Variants in GRAMD1B observed in about 807,000 individuals in gnomAD.
The protein encoded by GRAMD1B is protein Aster-B.
A neutral mutation model predicts 99.7 loss-of-function variants in GRAMD1B; 37 were observed. The ratio of observed to expected loss-of-function variants is 0.37; its 90% confidence interval spans 0.29 to 0.49. GRAMD1B has a LOEUF of 0.49. Among genes scored for constraint, GRAMD1B ranks in the 20% least tolerant of loss-of-function variants. The pLI, the probability that GRAMD1B is intolerant of heterozygous loss-of-function variation, is 0.98. For synonymous variants in GRAMD1B, 427 were observed against 387.6 expected, an observed-to-expected ratio of 1.10 and a Z score of -1.19; for missense variants, 888 against 1,009.2, an observed-to-expected ratio of 0.88 and a Z score of 1.63.
chr11:123,483,267 C>T (rs1201474551), intron 2 of GRAMD1B, among the ~76,000 whole-genome samples: 15 of 152,214 alleles, frequency 9.9e-5, no homozygotes, highest in Admixed American at 7.9e-4. Flanking sequence ...CGTGGATATG[C>T]TGAACAAAGG....
intron 3 of GRAMD1B, among the ~76,000 whole-genome samples, chr11:123,578,786 C>G (rs1003656449): frequency 6.6e-6 from 1 of 152,116 alleles, no homozygotes; most frequent in Admixed American, 6.5e-5. Flanking sequence ...GGCAGGAGAC[C>G]CCATCTGGTT....
At chr11:123,394,169 T>G (rs1947376424) in intron 1 of GRAMD1B, among the ~76,000 whole-genome samples, 1 of 152,230 alleles carries the variant, frequency 6.6e-6, no homozygotes, top group Non-Finnish European at 1.5e-5. Flanking sequence ...ACATGTAAAT[T>G]AGTACTGCCT....
chr11:123,503,331 G>A (rs1455541065), intron 2 of GRAMD1B, among the ~76,000 whole-genome samples: 1 of 152,164 alleles, frequency 6.6e-6, no homozygotes, highest in Non-Finnish European at 1.5e-5. Context: ...CCTGGAGATG[G>A]TAGGTAAGGG....
chr11:123,493,611 C>T (rs1001349483), intron 2 of GRAMD1B, among the ~76,000 whole-genome samples: 4 of 152,124 alleles, frequency 2.6e-5, no homozygotes, highest in African/African-American at 7.2e-5. Flanking sequence ...CAGACCTACC[C>T]GCAGGCAGCC....
At position 123,609,814 on chromosome 11, in the gene GRAMD1B, GA is replaced by G; in HGVS notation, c.1682del (p.Lys561ArgfsTer10). 6.3e-6 allele frequency: 10 copies of G among 1,592,384 alleles called. No homozygotes were observed. Among genetic ancestry groups the G allele is most frequent in the Admixed American group, 3.4e-5 (2 of 58,368 alleles). ...CCTTAGATATCATCTTCCATCCATG[GA>G]AAAAGGAGGAGAATGGAAACCAGAG... The part of the protein sequence containing the change: ...RFSDIIFHPW[K>X]KEENGNQSRV... On this transcript the variant is annotated frameshift_variant, in exon 13 of 20. Coordinates refer to ENST00000635736, the MANE Select transcript of GRAMD1B (RefSeq NM_001387025.1). LOFTEE classifies it high-confidence loss of function.
chr11:123,615,559 C>CTA (rs1273007172), intron 17 of GRAMD1B, among the ~76,000 whole-genome samples: 1 of 152,180 alleles, frequency 6.6e-6, no homozygotes, highest in African/African-American at 2.4e-5. Context: ...GTGGCAGGCG[C>CTA]CTGTAGTCCC....
At chr11:123,551,637 C>A (rs1304829417) in intron 2 of GRAMD1B, among the ~76,000 whole-genome samples, 1 of 152,048 alleles carries the variant, frequency 6.6e-6, no homozygotes, top group Non-Finnish European at 1.5e-5. Context: ...CCATGGTAAA[C>A]CTGGGATTGT....
intron 2 of GRAMD1B, among the ~76,000 whole-genome samples, chr11:123,571,631 C>T (rs967311076): frequency 6.6e-6 from 1 of 152,040 alleles, no homozygotes; most frequent in African/African-American, 2.4e-5. Flanking sequence ...GGGTCCCCTG[C>T]CATGGCTTAA....
chr11:123,442,124 A>G lies in GRAMD1B; in HGVS notation c.374+10958A>G, dbSNP rs553165036. Among the ~76,000 whole-genome samples, 5 of 152,322 alleles carry G rather than the reference A, an allele frequency of 3.3e-5. No individual in the cohort carries two copies. The South Asian group carries it at 1.0e-3, about 32-fold the overall frequency. ...CCAGTGGACACAAACTGGGTGTCTT[A>G]TAATTCAATTTAATTCTGGCACCTT... On this transcript the variant is annotated intron_variant, in intron 1 of 19. Coordinates refer to ENST00000635736, the MANE Select transcript of GRAMD1B (RefSeq NM_001387025.1).
At chr11:123,593,747 C>T (rs548604826) in intron 4 of GRAMD1B, among the ~76,000 whole-genome samples, 1 of 152,256 alleles carries the variant, frequency 6.6e-6, no homozygotes, top group East Asian at 1.9e-4. Flanking sequence ...GAAGGCAGAA[C>T]AGCAGTAGCT....
At chr11:123,609,169 A>T (rs912757140) in intron 12 of GRAMD1B, among the ~76,000 whole-genome samples, 8 of 151,744 alleles carry the variant, frequency 5.3e-5, no homozygotes, top group African/African-American at 1.9e-4. Flanking sequence ...TCTCATTCAG[A>T]CCTCACAGCT....
intron 13 of GRAMD1B, 30 bp downstream of exon 13, chr11:123,609,943 C>A: frequency 8.0e-7 from 1 of 1,247,744 alleles, no homozygotes; most frequent in Non-Finnish European, 1.2e-6. Context: ...CACAGAAGAG[C>A]GAGCTGGAAA....
At chr11:123,617,600 A>G (rs566973639) in intron 17 of GRAMD1B, among the ~76,000 whole-genome samples, 3 of 152,218 alleles carry the variant, frequency 2.0e-5, no homozygotes, top group South Asian at 4.2e-4. Flanking sequence ...ATATTTTACA[A>G]TATATTCCCT....
intron 1 of GRAMD1B, among the ~76,000 whole-genome samples, chr11:123,436,873 A>G (rs926606432): frequency 6.6e-5 from 10 of 152,058 alleles, no homozygotes; most frequent in Non-Finnish European, 1.3e-4. Flanking sequence ...ATTTAACTTT[A>G]GGTGTGTCTC....
At chr11:123,556,288 C>A (rs1399044237) in intron 2 of GRAMD1B, among the ~76,000 whole-genome samples, 2 of 152,232 alleles carry the variant, frequency 1.3e-5, no homozygotes, top group African/African-American at 4.8e-5. Flanking sequence ...GAGTGCTACT[C>A]TGTAAAAGTT....
intron 1 of GRAMD1B, among the ~76,000 whole-genome samples, chr11:123,463,944 G>C (rs946703169): frequency 1.3e-5 from 2 of 152,154 alleles, no homozygotes; most frequent in African/African-American, 4.8e-5. Flanking sequence ...GAAAACTTTG[G>C]ACTGTATTCT....
chr11:123,389,933 T>C (rs1010151768), intron 1 of GRAMD1B, among the ~76,000 whole-genome samples: 1 of 152,044 alleles, frequency 6.6e-6, no homozygotes, highest in African/African-American at 2.4e-5. Flanking sequence ...GTTTTCCCAT[T>C]TTTAGTAGAG....
chr11:123,482,482 G>A (rs913928728), intron 2 of GRAMD1B, among the ~76,000 whole-genome samples: 9 of 152,246 alleles, frequency 5.9e-5, no homozygotes, highest in South Asian at 4.1e-4. Flanking sequence ...TAGAATTGCC[G>A]CAGGGAGCCT....
At chr11:123,414,651 A>T (rs537383992) in intron 1 of GRAMD1B, among the ~76,000 whole-genome samples, 66 of 152,102 alleles carry the variant, frequency 4.3e-4, no homozygotes, top group South Asian at 2.5e-3. Flanking sequence ...TATTTACTTA[A>T]TCATTATGTC....
Sources: gnomAD v4.1 joint callset for allele counts (sites outside exome capture counted in the v4.1 genomes callset) on GRCh38, gnomAD v4.1.1 for gene constraint, MANE v1.5 for transcripts, NCBI Gene and HGNC (gene_info 2026-07-23, HGNC 2026-07-21) for gene names.